The following TNR variants were observed in gnomAD, a reference collection of about 807,000 sequenced individuals.
The protein encoded by TNR is tenascin-R.
Under a neutral mutation model 150.4 loss-of-function variants are expected in TNR, and 45 were observed. The observed-to-expected ratio is 0.30, with a 90% CI of 0.24 to 0.38. The LOEUF is 0.38. Ranked by LOEUF, TNR falls within the 10% of genes least tolerant of loss-of-function variation. The pLI, the probability that TNR is intolerant of heterozygous loss-of-function variation, is 1.00. For missense variants in TNR, 1,544 were observed against 1,759.1 expected, an observed-to-expected ratio of 0.88 and a Z score of 2.19; for synonymous variants, 687 against 678.4, an observed-to-expected ratio of 1.01 and a Z score of -0.20.
intron 1 of TNR, among the ~76,000 whole-genome samples, chr1:175,534,254 G>A (rs1268299316): frequency 6.6e-6 from 1 of 152,302 alleles, no homozygotes; most frequent in African/African-American, 2.4e-5. Context: ...CCTCCCTTGT[G>A]TCCTGAATTC....
chr1:175,337,046 C>A (rs923833464), intron 19 of TNR, among the ~76,000 whole-genome samples: 2 of 152,178 alleles, frequency 1.3e-5, no homozygotes, highest in African/African-American at 4.8e-5. Context: ...GCATGTGCCA[C>A]CATGACCAGC....
chr1:175,420,071 G>A (rs1303556136), intron 2 of TNR, among the ~76,000 whole-genome samples: 1 of 152,082 alleles, frequency 6.6e-6, no homozygotes, highest in Non-Finnish European at 1.5e-5. Context: ...TGGCTGAAGG[G>A]CACTGCTTCT....
At chr1:175,530,841 T>G (rs1490343455) in intron 1 of TNR, among the ~76,000 whole-genome samples, 2 of 152,184 alleles carry the variant, frequency 1.3e-5, no homozygotes, top group Non-Finnish European at 2.9e-5. Context: ...CCTTTCACGC[T>G]CATTTAACCA....
chr1:175,343,643 C>T (rs1400816085), intron 18 of TNR, among the ~76,000 whole-genome samples: 1 of 152,142 alleles, frequency 6.6e-6, no homozygotes, highest in East Asian at 1.9e-4. Context: ...CTGGCTCTTA[C>T]CTTATTCATC....
chr1:175,671,393 C>G (rs1260181410), intron 1 of TNR, among the ~76,000 whole-genome samples: 1 of 152,216 alleles, frequency 6.6e-6, no homozygotes, highest in East Asian at 1.9e-4. Context: ...CTGAGGAGCA[C>G]TGATCATCCA....
At chr1:175,427,354 T>C (rs1326929556) in intron 2 of TNR, among the ~76,000 whole-genome samples, 2 of 152,300 alleles carry the variant, frequency 1.3e-5, no homozygotes, top group African/African-American at 2.4e-5. Flanking sequence ...ATATTTCATA[T>C]AGCAAAAAAT....
At chr1:175,682,944 C>T (rs966751904) in intron 1 of TNR, among the ~76,000 whole-genome samples, 1 of 152,250 alleles carries the variant, frequency 6.6e-6, no homozygotes, top group Admixed American at 6.5e-5. Flanking sequence ...CCAGGAAAGT[C>T]CACAAAATAG....
chr1:175,674,672 C>T (rs1483351723), intron 1 of TNR, among the ~76,000 whole-genome samples: 1 of 152,154 alleles, frequency 6.6e-6, no homozygotes, highest in Non-Finnish European at 1.5e-5. Flanking sequence ...CCTACAGTAG[C>T]CTGACTCCTC....
intron 1 of TNR, among the ~76,000 whole-genome samples, chr1:175,723,321 G>T (rs558615952): frequency 6.6e-6 from 1 of 152,230 alleles, no homozygotes; most frequent in South Asian, 2.1e-4. Context: ...CTTCTAAAAA[G>T]GGGTCCTCAG....
intron 9 of TNR, among the ~76,000 whole-genome samples, chr1:175,369,796 A>G (rs1652012950): frequency 6.6e-6 from 1 of 152,204 alleles, no homozygotes; most frequent in African/African-American, 2.4e-5. Context: ...TACTTTGAGC[A>G]ACATTCCTTT....
chr1:175,327,482 A>G (rs1649467382), intron 21 of TNR, among the ~76,000 whole-genome samples: 1 of 152,170 alleles, frequency 6.6e-6, no homozygotes, highest in Non-Finnish European at 1.5e-5. Flanking sequence ...TGGCTGTCAC[A>G]GGAATCTTCC....
At chr1:175,722,239 G>T (rs1024546442) in intron 1 of TNR, among the ~76,000 whole-genome samples, 2 of 152,080 alleles carry the variant, frequency 1.3e-5, no homozygotes, top group Non-Finnish European at 2.9e-5. Flanking sequence ...CTATCGGTTT[G>T]AATTGTGAAT....
intron 1 of TNR, among the ~76,000 whole-genome samples, chr1:175,739,934 A>T (rs974178574): frequency 2.6e-5 from 4 of 152,214 alleles, no homozygotes; most frequent in Non-Finnish European, 2.9e-5. Flanking sequence ...TTTCAAAATC[A>T]TCTCTATGAA....
intron 2 of TNR, among the ~76,000 whole-genome samples, chr1:175,426,891 T>A (rs56296288): frequency 1.6e-5 from 1 of 63,536 alleles, no homozygotes; most frequent in Non-Finnish European, 2.8e-5. Context: ...AAAATATAAA[T>A]ATATATAAAA....
At chr1:175,428,075 A>G (rs1655094844) in intron 2 of TNR, among the ~76,000 whole-genome samples, 1 of 152,184 alleles carries the variant, frequency 6.6e-6, no homozygotes, top group South Asian at 2.1e-4. Context: ...TTAAGAAGAT[A>G]GACATTCTAC....
rs530604954 is a variant in TNR, at chr1:175,554,404, T to C, written c.-164-26035A>G. Among the ~76,000 whole-genome samples, 3 of 152,308 alleles carry C rather than the reference T, an allele frequency of 2.0e-5. No individual in the cohort carries two copies. The East Asian group carries it at 5.8e-4, about 29-fold the overall frequency. On this transcript the variant is annotated intron_variant, in intron 1 of 22. Transcript: ENST00000367674. ...TGACTTTTTAAAATCAAGGCATATT[T>C]TGAGGCTGGTGCTCATCAGAGTACA...
intron 1 of TNR, among the ~76,000 whole-genome samples, chr1:175,561,621 A>G (rs1434811039): frequency 2.0e-5 from 3 of 152,190 alleles, no homozygotes; most frequent in African/African-American, 7.2e-5. Flanking sequence ...TTAAGCCTGA[A>G]TTAAGACCTG....
rs373088822 is a variant in TNR at position 175,316,888 on chromosome 1, CAGA to C, written c.*6466_*6468del. 21 of 152,268 alleles carry C rather than the reference CAGA, an allele frequency of 1.4e-4. No homozygotes were observed. In the East Asian group the frequency reaches 3.5e-3, roughly 25 times the overall value. The allele number at this position is 152,268 out of a possible 1,614,324, so 9.4% of individuals were successfully genotyped here. ...GCAAGAATTTCCTTTTCTTAAAAGT[CAGA>C]AGAAGTGGCATCAAAGCCCCCTTGT... On this transcript the variant is annotated 3_prime_UTR_variant, in exon 23 of 23. Coordinates refer to ENST00000367674, the MANE Select transcript of TNR (RefSeq NM_003285.3).
chr1:175,469,484 C>T (rs964276260), intron 2 of TNR, among the ~76,000 whole-genome samples: 1 of 151,476 alleles, frequency 6.6e-6, no homozygotes, highest in Non-Finnish European at 1.5e-5. Flanking sequence ...TGAACTGGAC[C>T]CTAAAGAATA....
Sources: allele counts gnomAD v4.1 joint callset (sites outside exome capture counted in the v4.1 genomes callset), GRCh38; gene constraint gnomAD v4.1.1; transcripts MANE v1.5; gene names NCBI Gene and HGNC (gene_info 2026-07-23, HGNC 2026-07-21).